DLGAP2: variants seen among roughly 807,000 people sequenced by gnomAD.
DLGAP2 encodes the protein disks large-associated protein 2.
A neutral mutation model predicts 100.3 loss-of-function variants in DLGAP2; 26 were observed. The observed-to-expected ratio is 0.26, with a 90% CI of 0.19 to 0.36. The LOEUF (loss-of-function observed/expected upper bound fraction) is 0.36. DLGAP2 is among the 10% of genes least tolerant of loss of function. The pLI, the probability that DLGAP2 is intolerant of heterozygous loss-of-function variation, is 1.00. For missense variants in DLGAP2, 1,858 were observed against 1,453.2 expected, an observed-to-expected ratio of 1.28 and a Z score of -4.53; for synonymous variants, 886 against 630.1, an observed-to-expected ratio of 1.41 and a Z score of -6.08.
rs563291369 is a variant in DLGAP2, at chr8:808,701, G to A, written c.18+70876G>A. Among the ~76,000 whole-genome samples the A allele has an allele frequency of 2.0e-5, 3 of 152,296 alleles. No homozygotes were observed. In the East Asian group the frequency reaches 5.8e-4, roughly 30 times the overall value. On this transcript the variant is annotated intron_variant, in intron 1 of 14. Transcript: ENST00000637795. ...GGGGCAGTGCTGCTTTGTGGCACAG[G>A]AGTGTGGGCCATCTCAGGGCAGCCT...
At chr8:1,042,039 G>T (rs1802370043) in intron 2 of DLGAP2, among the ~76,000 whole-genome samples, 1 of 152,182 alleles carries the variant, frequency 6.6e-6, no homozygotes, top group Non-Finnish European at 1.5e-5. Flanking sequence ...GACCTGATTT[G>T]CAGAGCAGAA....
chr8:1,582,034 C>T (rs1250714460), intron 6 of DLGAP2, among the ~76,000 whole-genome samples: 12 of 138,242 alleles, frequency 8.7e-5, no homozygotes, highest in African/African-American at 3.0e-4. Context: ...ACCCCACACA[C>T]GTCTACACAC....
chr8:1,466,165 A>C (rs1798620393), intron 3 of DLGAP2, among the ~76,000 whole-genome samples: 1 of 152,198 alleles, frequency 6.6e-6, no homozygotes, highest in African/African-American at 2.4e-5. Context: ...CTCTTGACCC[A>C]CATGGAGAAA....
At chr8:1,522,557 C>G (rs1200992105) in intron 4 of DLGAP2, among the ~76,000 whole-genome samples, 1 of 152,218 alleles carries the variant, frequency 6.6e-6, no homozygotes, top group African/African-American at 2.4e-5. Flanking sequence ...TACTTCCTTA[C>G]GTCTTGGTTT....
At chr8:838,257 C>A (rs1421029097) in intron 1 of DLGAP2, among the ~76,000 whole-genome samples, 1 of 152,086 alleles carries the variant, frequency 6.6e-6, no homozygotes, top group Non-Finnish European at 1.5e-5. Flanking sequence ...GTGGTCAGAA[C>A]CTTTTCCTCT....
chr8:1,111,546 T>A (rs552132837), intron 2 of DLGAP2, among the ~76,000 whole-genome samples: 9 of 152,272 alleles, frequency 5.9e-5, no homozygotes, highest in African/African-American at 2.2e-4. Flanking sequence ...CATGGTCCCC[T>A]CCCCGCTCCC....
intron 2 of DLGAP2, among the ~76,000 whole-genome samples, chr8:1,183,026 G>A (rs78851889): frequency 6.6e-6 from 1 of 152,198 alleles, no homozygotes; most frequent in Non-Finnish European, 1.5e-5. Flanking sequence ...CCAGTGCGGG[G>A]AACGTGAGAT....
chr8:897,747 C>G (rs569204101), intron 1 of DLGAP2, among the ~76,000 whole-genome samples: 53 of 152,234 alleles, frequency 3.5e-4, no homozygotes, highest in African/African-American at 1.3e-3. Context: ...GAGCCAGAAG[C>G]GAGCACCGCA....
chr8:949,720 A>C (rs1799428089), intron 2 of DLGAP2, among the ~76,000 whole-genome samples: 1 of 152,166 alleles, frequency 6.6e-6, no homozygotes, highest in African/African-American at 2.4e-5. Context: ...AGGTCAGTTC[A>C]GGGACCCGGC....
intron 14 of DLGAP2, among the ~76,000 whole-genome samples, chr8:1,698,716 ATGGGACAGGTCCACATAAGCCATGTG>A (rs1214775262): frequency 8.6e-4 from 98 of 113,706 alleles, no homozygotes; most frequent in East Asian, 1.8e-3. Flanking sequence ...TAAGCCATGC[ATGGGACAGGTCCACATAAGCCATGTG>A]TGGGACTAGA....
chr8:1,386,735 G>A (rs1274721223), intron 3 of DLGAP2, among the ~76,000 whole-genome samples: 4 of 152,118 alleles, frequency 2.6e-5, no homozygotes, highest in Admixed American at 2.6e-4. Flanking sequence ...CTCAGGATGG[G>A]GAGGAAAGCC....
chr8:993,615 G>T (rs1364732801), intron 2 of DLGAP2, among the ~76,000 whole-genome samples: 1 of 152,080 alleles, frequency 6.6e-6, no homozygotes, highest in East Asian at 1.9e-4. Flanking sequence ...GATGCCTGGT[G>T]TGTATCCTTT....
chr8:1,188,512 C>T (rs983849152), intron 2 of DLGAP2, among the ~76,000 whole-genome samples: 18 of 149,274 alleles, frequency 1.2e-4, no homozygotes, highest in Admixed American at 4.6e-4. Flanking sequence ...CTCACACGCC[C>T]GGGACCTCTG....
chr8:1,682,045 A>T (rs552528984), intron 12 of DLGAP2, among the ~76,000 whole-genome samples: 2 of 152,174 alleles, frequency 1.3e-5, no homozygotes, highest in Non-Finnish European at 2.9e-5. Flanking sequence ...AAGTTCCCTT[A>T]TGGGAAGCAC....
chr8:931,615 A>T (rs1329499274), intron 2 of DLGAP2, among the ~76,000 whole-genome samples: 1 of 151,982 alleles, frequency 6.6e-6, no homozygotes, highest in Non-Finnish European at 1.5e-5. Context: ...CTTCCATTTG[A>T]ATTTCATTTG....
intron 1 of DLGAP2, among the ~76,000 whole-genome samples, chr8:872,210 T>C (rs994008405): frequency 4.6e-5 from 7 of 152,042 alleles, no homozygotes; most frequent in Non-Finnish European, 7.4e-5. Context: ...GTAATTAAAT[T>C]ATATTTTTTT....
Position 1,653,391 on chromosome 8 carries a change from C to T in DLGAP2, c.1811-14938C>T, listed in dbSNP as rs567254376. On this transcript the variant is annotated intron_variant, in intron 8 of 14. Coordinates refer to ENST00000637795, the MANE Select transcript of DLGAP2 (RefSeq NM_001346810.2). The stretch of plus-strand genomic sequence containing the variant: ...GGGCTTCCTGTGGCGGGGCCAGAAC[C>T]GAGCCCGGGTATCCCGTGGCCATCC... Among the ~76,000 whole-genome samples the T allele has an allele frequency of 5.3e-5, 8 of 152,316 alleles. No individual in the cohort carries two copies. In the South Asian group the frequency reaches 8.3e-4, roughly 16 times the overall value.
At chr8:1,180,407 G>A (rs1797355143) in intron 2 of DLGAP2, among the ~76,000 whole-genome samples, 1 of 152,210 alleles carries the variant, frequency 6.6e-6, no homozygotes, top group South Asian at 2.1e-4. Context: ...GCCTCACAAT[G>A]TTGCCCAGCC....
intron 3 of DLGAP2, among the ~76,000 whole-genome samples, chr8:1,487,065 C>G (rs191018793): frequency 1.2e-3 from 185 of 152,226 alleles, no homozygotes; most frequent in Middle Eastern, 3.4e-3. Flanking sequence ...ATCTAGAATC[C>G]GAGGCTTTAA....
Sources: gnomAD v4.1 joint callset for allele counts (sites outside exome capture counted in the v4.1 genomes callset) on GRCh38, gnomAD v4.1.1 for gene constraint, MANE v1.5 for transcripts, NCBI Gene and HGNC (gene_info 2026-07-23, HGNC 2026-07-21) for gene names.